Variants in GCNT1 observed in about 807,000 individuals in gnomAD.
GCNT1 encodes beta-1,3-galactosyl-O-glycosyl-glycoprotein beta-1,6-N-acetylglucosaminyltransferase.
GCNT1 carries 16 observed loss-of-function variants against 26.2 expected under a neutral mutation model. That is an observed-to-expected ratio of 0.61 (90% CI 0.41 to 0.93). The LOEUF (loss-of-function observed/expected upper bound fraction) is 0.93. Among genes scored for constraint, GCNT1 ranks in the 40% least tolerant of loss-of-function variants. The pLI is 0.00. For synonymous variants in GCNT1, 183 were observed against 190.8 expected (o/e 0.96, Z 0.34); for missense variants, 477 against 526.7 (o/e 0.91, Z 0.92).
At position 76,450,399 on chromosome 9, in the gene GCNT1, C is replaced by T. The variant is rs551738444; in HGVS notation, c.-290+8084C>T. 9.9e-5 allele frequency among the ~76,000 whole-genome samples: 15 copies of T among 152,234 alleles called. No individual in the cohort carries two copies. In the South Asian group the frequency reaches 2.3e-3, roughly 23 times the overall value. On this transcript the variant is annotated intron_variant, in intron 1 of 2. Coordinates refer to the GCNT1 transcript ENST00000442371. Reference sequence around the variant, plus strand: ...AACCCTTACATTGTTTACAGTGTTTCGATTCTGAAATCTTTGTGTATTTGT... The same window carrying T: ...AACCCTTACATTGTTTACAGTGTTTTGATTCTGAAATCTTTGTGTATTTGT...
At chr9:76,428,265 C>CAAAGAAAAAAAA (rs1823283367) in intron 1 of GCNT1, among the ~76,000 whole-genome samples, 1 of 29,774 alleles carries the variant, frequency 3.4e-5, no homozygotes, top group Non-Finnish European at 6.7e-5. Context: ...GACTCCGTCT[C>CAAAGAAAAAAAA]AAAAAAAAAA....
chr9:76,497,593 G>T (rs1824943557), intron 2 of GCNT1, among the ~76,000 whole-genome samples: 3 of 152,160 alleles, frequency 2.0e-5, no homozygotes. Context: ...AAGCATGTGG[G>T]CCATGTAGGA....
chr9:76,489,769 A>G (rs7046032), intron 2 of GCNT1, among the ~76,000 whole-genome samples: 6,482 of 152,198 alleles, frequency 0.043, 430 homozygotes, highest in African/African-American at 0.15. Context: ...GGACACCCCA[A>G]CTGCTGTTGG....
chr9:76,496,554 G>A (rs557417174), intron 2 of GCNT1, among the ~76,000 whole-genome samples: 13 of 152,054 alleles, frequency 8.5e-5, no homozygotes, highest in Non-Finnish European at 1.3e-4. Context: ...AGCACTCAGC[G>A]GCACCCTGTC....
chr9:76,437,485 G>A (rs1166047057), upstream of GCNT1, among the ~76,000 whole-genome samples: 1 of 152,182 alleles, frequency 6.6e-6, no homozygotes, highest in Admixed American at 6.5e-5. Context: ...GGTCTAAAAA[G>A]GGGAGGCATG....
chr9:76,431,686 G>A (rs552843955), intron 1 of GCNT1, among the ~76,000 whole-genome samples: 4 of 152,156 alleles, frequency 2.6e-5, no homozygotes, highest in Admixed American at 6.5e-5. Context: ...GAAGTCGGGA[G>A]GTCAGGCTGA....
intron 3 of GCNT1, 83 bp from the exon 4 acceptor site, chr9:76,502,156 A>ACT (rs71499157): frequency 0.013 from 2,007 of 148,980 alleles, 4 homozygotes; most frequent in East Asian, 0.051. Flanking sequence ...ATTGTGAAAA[A>ACT]CTCTCTCTCT....
chr9:76,428,179 T>C (rs560310949), intron 1 of GCNT1, among the ~76,000 whole-genome samples: 137 of 143,300 alleles, frequency 9.6e-4, no homozygotes, highest in African/African-American at 3.5e-3. Flanking sequence ...GGCAGGAGAA[T>C]GGCGTGAGCC....
chr9:76,394,454 G>C, the GCNT1 span: 33 of 329,722 alleles, frequency 1.0e-4, no homozygotes, highest in Admixed American at 1.4e-3. Flanking sequence ...TGGGGGGAGG[G>C]GGCGGCCCGA....
At chr9:76,490,726 T>C (rs1380016390) in intron 2 of GCNT1, among the ~76,000 whole-genome samples, 1 of 151,502 alleles carries the variant, frequency 6.6e-6, no homozygotes, top group Non-Finnish European at 1.5e-5. Flanking sequence ...AAGAACTCAC[T>C]TGTTTGAGCA....
At chr9:76,476,427 G>GA (rs757427639) in intron 2 of GCNT1, among the ~76,000 whole-genome samples, 49 of 138,410 alleles carry the variant, frequency 3.5e-4, no homozygotes, top group Admixed American at 1.2e-3. Context: ...TTTTAGATTT[G>GA]AAAAAAAAAA....
intron 2 of GCNT1, among the ~76,000 whole-genome samples, chr9:76,467,534 A>C (rs1221855084): frequency 3.9e-5 from 6 of 152,026 alleles, no homozygotes. Flanking sequence ...TATCAATTCC[A>C]TCAAATCTCT....
intron 2 of GCNT1, among the ~76,000 whole-genome samples, chr9:76,498,642 G>A (rs770163786): frequency 2.6e-5 from 4 of 151,806 alleles, no homozygotes; most frequent in Admixed American, 2.0e-4. Flanking sequence ...GTGTGGGGGC[G>A]GGTGCCTGTA....
intron 1 of GCNT1, among the ~76,000 whole-genome samples, chr9:76,426,809 G>T (rs1157838795): frequency 9.9e-5 from 15 of 152,210 alleles, no homozygotes; most frequent in Non-Finnish European, 1.0e-4. Flanking sequence ...AGAGGGTAGG[G>T]CTGAGGCAAG....
chr9:76,483,413 T>A (rs1564240682), intron 2 of GCNT1, among the ~76,000 whole-genome samples: 1 of 150,452 alleles, frequency 6.6e-6, no homozygotes, highest in Non-Finnish European at 1.5e-5. Flanking sequence ...GTTTTTTTTT[T>A]ATTGTTTTTT....
intron 1 of GCNT1, among the ~76,000 whole-genome samples, chr9:76,451,961 TTTTTTGTTG>T (rs1239674802): frequency 1.2e-3 from 108 of 86,984 alleles, no homozygotes; most frequent in Admixed American, 5.7e-3. Context: ...TTTTTTTTTT[TTTTTTGTTG>T]TTGTTGTTGT....
At chr9:76,486,733 A>G (rs1207346785) in intron 2 of GCNT1, among the ~76,000 whole-genome samples, 1 of 152,188 alleles carries the variant, frequency 6.6e-6, no homozygotes, top group Non-Finnish European at 1.5e-5. Context: ...CAGTTCCTGC[A>G]AGTTTGTGGG....
intron 1 of GCNT1, among the ~76,000 whole-genome samples, chr9:76,422,476 A>G (rs1275662151): frequency 2.0e-5 from 3 of 152,220 alleles, no homozygotes; most frequent in Non-Finnish European, 4.4e-5. Flanking sequence ...TGGTGGAACA[A>G]TGATATGCAT....
At chr9:76,487,299 A>G (rs890708388) in intron 2 of GCNT1, among the ~76,000 whole-genome samples, 2 of 152,110 alleles carry the variant, frequency 1.3e-5, no homozygotes, top group Non-Finnish European at 2.9e-5. Context: ...AGATACTGGC[A>G]TGGCTTTGAC....
Sources: allele counts gnomAD v4.1 joint callset (sites outside exome capture counted in the v4.1 genomes callset), GRCh38; gene constraint gnomAD v4.1.1; transcripts MANE v1.5; gene names NCBI Gene and HGNC (gene_info 2026-07-23, HGNC 2026-07-21).